The following BMPR1B variants were observed in gnomAD, a reference collection of about 807,000 sequenced individuals.
BMPR1B encodes bone morphogenetic protein receptor type-1B.
BMPR1B carries 12 observed loss-of-function variants against 59.1 expected under a neutral mutation model. The ratio of observed to expected loss-of-function variants is 0.20; its 90% CI spans 0.13 to 0.33. The LOEUF (loss-of-function observed/expected upper bound fraction) is 0.33, where lower values mean the gene tolerates loss of function less well. Ranked by LOEUF, BMPR1B falls within the 10% of genes least tolerant of loss-of-function variation. The probability of loss-of-function intolerance (pLI) is 1.00; values close to 1 mark genes in which losing one functional copy is unlikely to be tolerated. For missense variants in BMPR1B, 550 were observed against 610.9 expected (o/e 0.90, Z 1.05); for synonymous variants, 237 against 207.3 (o/e 1.14, Z -1.23).
chr4:94,948,990 A>T (rs1729825511), intron 2 of BMPR1B, among the ~76,000 whole-genome samples: 2 of 152,294 alleles, frequency 1.3e-5, no homozygotes, highest in South Asian at 4.1e-4. Context: ...TTTTAAAATT[A>T]TACTTTAAGT....
At chr4:94,927,089 A>C (rs2149030248) in intron 2 of BMPR1B, among the ~76,000 whole-genome samples, 1 of 152,302 alleles carries the variant, frequency 6.6e-6, no homozygotes, top group South Asian at 2.1e-4. Context: ...GGACACAACT[A>C]GTGCAAGTCA....
intron 2 of BMPR1B, among the ~76,000 whole-genome samples, chr4:94,989,490 A>G (rs1199842588): frequency 1.3e-5 from 2 of 152,084 alleles, no homozygotes; most frequent in Non-Finnish European, 2.9e-5. Context: ...ATGTAACAGG[A>G]TTACAATTTC....
chr4:95,125,195 T>G, intron 8 of BMPR1B, 74 bp downstream of exon 8: 2 of 1,578,038 alleles, frequency 1.3e-6, no homozygotes, highest in South Asian at 1.1e-5. Context: ...GGGGTTTCAC[T>G]TACTGAAATA....
intron 3 of BMPR1B, among the ~76,000 whole-genome samples, chr4:95,002,398 G>A (rs577990036): frequency 1.6e-4 from 25 of 152,186 alleles, no homozygotes; most frequent in African/African-American, 5.8e-4. Flanking sequence ...CACCTAGGTC[G>A]ACCCCATGTC....
intron 3 of BMPR1B, among the ~76,000 whole-genome samples, chr4:95,026,820 G>C (rs951039762): frequency 1.3e-5 from 2 of 150,990 alleles, no homozygotes; most frequent in African/African-American, 4.9e-5. Context: ...GGAGTGCAGT[G>C]ACATGATCTA....
intron 6 of BMPR1B, among the ~76,000 whole-genome samples, chr4:95,117,857 G>A (rs141755780): frequency 6.6e-6 from 1 of 152,120 alleles, no homozygotes; most frequent in Admixed American, 6.6e-5. Context: ...GAGTGTGAAG[G>A]TGAGAGAGCA....
intron 2 of BMPR1B, among the ~76,000 whole-genome samples, chr4:94,965,768 G>T (rs1730531826): frequency 6.6e-6 from 1 of 150,380 alleles, no homozygotes; most frequent in Non-Finnish European, 1.5e-5. Flanking sequence ...AGTAAATTGT[G>T]TGTGTGAGAG....
intron 2 of BMPR1B, among the ~76,000 whole-genome samples, chr4:94,915,957 T>C (rs1031983868): frequency 5.9e-5 from 9 of 152,126 alleles, no homozygotes; most frequent in African/African-American, 2.2e-4. Context: ...ACCTCCTTTC[T>C]CAGCCTCTTC....
At chr4:95,009,220 G>C (rs1179747105) in intron 3 of BMPR1B, among the ~76,000 whole-genome samples, 1 of 152,176 alleles carries the variant, frequency 6.6e-6, no homozygotes, top group Non-Finnish European at 1.5e-5. Flanking sequence ...TTGATAAATT[G>C]AAACCGAACA....
intron 3 of BMPR1B, among the ~76,000 whole-genome samples, chr4:95,068,308 C>G (rs943209275): frequency 3.9e-5 from 6 of 152,234 alleles, no homozygotes; most frequent in Admixed American, 3.9e-4. Flanking sequence ...TTAGCTTTTC[C>G]TTGTCTCTCA....
At chr4:94,925,712 A>C (rs1437083391) in intron 2 of BMPR1B, among the ~76,000 whole-genome samples, 2 of 152,164 alleles carry the variant, frequency 1.3e-5, no homozygotes, top group Admixed American at 6.6e-5. Context: ...GAGAGATTTT[A>C]ATGGGAATTT....
chr4:95,056,054 T>A (rs1361662901), intron 3 of BMPR1B, among the ~76,000 whole-genome samples: 1 of 152,212 alleles, frequency 6.6e-6, no homozygotes, highest in Non-Finnish European at 1.5e-5. Flanking sequence ...AGAATTCATA[T>A]AAGAATTTGA....
chr4:94,816,423 C>T (rs1360749942), intron 1 of BMPR1B, among the ~76,000 whole-genome samples: 2 of 152,170 alleles, frequency 1.3e-5, no homozygotes, highest in African/African-American at 4.8e-5. Context: ...TTGGGCCTTG[C>T]AAAGTGCTAG....
chr4:94,765,906 C>T (rs1422607444), intron 1 of BMPR1B, among the ~76,000 whole-genome samples: 4 of 152,172 alleles, frequency 2.6e-5, no homozygotes, highest in Non-Finnish European at 5.9e-5. Context: ...AGGTTTGAAT[C>T]GTGGCTGTAT....
At chr4:95,034,934 C>T (rs979352116) in intron 3 of BMPR1B, among the ~76,000 whole-genome samples, 1 of 152,042 alleles carries the variant, frequency 6.6e-6, no homozygotes, top group African/African-American at 2.4e-5. Flanking sequence ...ACATCCATGC[C>T]AACATCTCTT....
rs551370449 is a variant in BMPR1B, at chr4:95,131,274, G to A, written c.838G>A (p.Asp280Asn). Reference protein sequence around the residue: ...GSWTQLYLITDYHENGSLYDY... With the variant: ...GSWTQLYLITNYHENGSLYDY... Reference sequence around the variant, plus strand: ...CTGGACCCAGTTGTACCTAATCACAGACTATCATGAAAATGGTTCCCTTTA... The same window carrying A: ...CTGGACCCAGTTGTACCTAATCACAAACTATCATGAAAATGGTTCCCTTTA... The change falls in exon 10 of 13, where the codon GAC (aspartate) becomes AAC (asparagine). Residue 280 changes from aspartate to asparagine, a missense_variant. Physicochemically the swap from Asp to Asn is conservative, Grantham distance 23 (BLOSUM62 1). This residue lies in a region of BMPR1B where 318 missense variants were observed against 284.6 expected (regional missense o/e 1.12). Coordinates refer to ENST00000515059, the MANE Select transcript of BMPR1B (RefSeq NM_001203.3). The A allele has an allele frequency of 2.8e-5, 45 of 1,613,854 alleles. No homozygotes were observed. In the African/African-American group the frequency reaches 5.5e-4, roughly 20 times the overall value.
chr4:95,059,676 C>T (rs1331893115), intron 3 of BMPR1B, among the ~76,000 whole-genome samples: 1 of 151,986 alleles, frequency 6.6e-6, no homozygotes, highest in African/African-American at 2.4e-5. Flanking sequence ...AACTTAATGA[C>T]AAACATCTTG....
chr4:95,067,481 A>G (rs1290744998), intron 3 of BMPR1B, among the ~76,000 whole-genome samples: 1 of 152,234 alleles, frequency 6.6e-6, no homozygotes, highest in African/African-American at 2.4e-5. Context: ...CCTATGTTGA[A>G]TCTAAAATTA....
chr4:94,878,335 C>T (rs1726815747), intron 2 of BMPR1B, among the ~76,000 whole-genome samples: 1 of 152,158 alleles, frequency 6.6e-6, no homozygotes, highest in Admixed American at 6.5e-5. Context: ...ATTCATGAAT[C>T]AGTAGCATCT....
Sources: allele counts gnomAD v4.1 joint callset (sites outside exome capture counted in the v4.1 genomes callset), GRCh38; gene constraint gnomAD v4.1.1; regional missense constraint gnomAD v4.1.1; transcripts MANE v1.5; gene names NCBI Gene and HGNC (gene_info 2026-07-23, HGNC 2026-07-21).